TSPAN5: variants seen among roughly 807,000 people sequenced by gnomAD.
The protein encoded by TSPAN5 is tetraspanin 5.
TSPAN5 carries 10 observed loss-of-function variants against 37.1 expected under a neutral mutation model. The ratio of observed to expected loss-of-function variants is 0.27; its 90% confidence interval spans 0.17 to 0.46. The LOEUF is 0.46. Ranked by LOEUF, TSPAN5 falls within the 20% of genes least tolerant of loss-of-function variation. The pLI is 1.00. For synonymous variants in TSPAN5, 110 were observed against 118.9 expected, an observed-to-expected ratio of 0.93 and a Z score of 0.48; for missense variants, 195 against 326.6, an observed-to-expected ratio of 0.60 and a Z score of 3.11.
intron 1 of TSPAN5, among the ~76,000 whole-genome samples, chr4:98,558,764 T>C (rs1336324906): frequency 1.3e-5 from 2 of 152,180 alleles, no homozygotes; most frequent in Admixed American, 6.5e-5. Context: ...TGGAGTTGCT[T>C]GAAACCCATG....
At chr4:98,623,540 T>A (rs886668915) in intron 1 of TSPAN5, among the ~76,000 whole-genome samples, 6 of 152,348 alleles carry the variant, frequency 3.9e-5, no homozygotes, top group African/African-American at 1.4e-4. Context: ...TTCCAGAGAT[T>A]ATAAAACTCT....
chr4:98,511,022 C>T (rs894636474), intron 1 of TSPAN5, among the ~76,000 whole-genome samples: 7 of 152,264 alleles, frequency 4.6e-5, no homozygotes, highest in African/African-American at 1.2e-4. Context: ...CCATAAACCA[C>T]GAAACTGACC....
At chr4:98,490,390 C>T (rs1177355463) in intron 2 of TSPAN5, among the ~76,000 whole-genome samples, 1 of 152,166 alleles carries the variant, frequency 6.6e-6, no homozygotes, top group African/African-American at 2.4e-5. Context: ...TAAAAATTGG[C>T]TTCTCAGACA....
chr4:98,571,069 G>C (rs1043354690), intron 1 of TSPAN5, among the ~76,000 whole-genome samples: 4 of 152,062 alleles, frequency 2.6e-5, no homozygotes, highest in Non-Finnish European at 5.9e-5. Flanking sequence ...GAGGTCAATG[G>C]ACCACTTGTC....
At chr4:98,529,174 T>A (rs1413647161) in intron 1 of TSPAN5, among the ~76,000 whole-genome samples, 1 of 152,206 alleles carries the variant, frequency 6.6e-6, no homozygotes, top group African/African-American at 2.4e-5. Context: ...GGTCTGCCCT[T>A]ACATCCAAGC....
intron 1 of TSPAN5, among the ~76,000 whole-genome samples, chr4:98,635,649 G>C (rs1756840559): frequency 6.6e-6 from 1 of 152,008 alleles, no homozygotes; most frequent in South Asian, 2.1e-4. Context: ...GCTGAACGGG[G>C]GAAAAAAAGA....
chr4:98,582,489 T>C (rs1358056710), intron 1 of TSPAN5, among the ~76,000 whole-genome samples: 1 of 152,216 alleles, frequency 6.6e-6, no homozygotes, highest in African/African-American at 2.4e-5. Flanking sequence ...GCAAAGAGAT[T>C]TGCTTTCCGT....
chr4:98,631,893 T>C (rs1756757107), intron 1 of TSPAN5, among the ~76,000 whole-genome samples: 1 of 152,164 alleles, frequency 6.6e-6, no homozygotes, highest in Non-Finnish European at 1.5e-5. Flanking sequence ...GGCCACTTTT[T>C]AGTTTTTCAC....
At chr4:98,531,290 A>T (rs1346830592) in intron 1 of TSPAN5, among the ~76,000 whole-genome samples, 1 of 151,732 alleles carries the variant, frequency 6.6e-6, no homozygotes, top group Non-Finnish European at 1.5e-5. Context: ...TCCTTGTTCA[A>T]CTCCCACTTA....
At chr4:98,645,172 C>A (rs1757037330) in intron 1 of TSPAN5, among the ~76,000 whole-genome samples, 1 of 152,086 alleles carries the variant, frequency 6.6e-6, no homozygotes, top group Non-Finnish European at 1.5e-5. Context: ...CCATTTGATG[C>A]CAGAATGTCG....
At chr4:98,603,212 C>T (rs1755925475) in intron 1 of TSPAN5, among the ~76,000 whole-genome samples, 1 of 152,184 alleles carries the variant, frequency 6.6e-6, no homozygotes, top group Non-Finnish European at 1.5e-5. Flanking sequence ...CTACAGTAAG[C>T]TCTCTAATCA....
chr4:98,550,062 G>C (rs889085453), intron 1 of TSPAN5, among the ~76,000 whole-genome samples: 7 of 152,056 alleles, frequency 4.6e-5, no homozygotes, highest in African/African-American at 1.7e-4. Context: ...GTTAATTTTT[G>C]TATATGATAA....
chr4:98,487,664 T>TG (rs1474137190), intron 2 of TSPAN5, among the ~76,000 whole-genome samples: 2 of 152,190 alleles, frequency 1.3e-5, no homozygotes, highest in Non-Finnish European at 2.9e-5. Context: ...TGGTTTGCTC[T>TG]GGTGGCTGTT....
chr4:98,488,460 C>T (rs984603374), intron 2 of TSPAN5, among the ~76,000 whole-genome samples: 3 of 151,960 alleles, frequency 2.0e-5, no homozygotes, highest in African/African-American at 7.3e-5. Context: ...AAACTTAAAC[C>T]TAATTTTAAA....
At position 98,539,389 on chromosome 4, in the gene TSPAN5, A is replaced by T. The variant is rs117163070; in HGVS notation, c.82-31661T>A. ...AGAGGCAGCAGGTTCACCAAAACAC[A>T]AATGTCAGGACCAAGGCGCATCCAC... On this transcript the variant is annotated intron_variant, in intron 1 of 7. Coordinates refer to ENST00000305798, the MANE Select transcript of TSPAN5 (RefSeq NM_005723.4). Among the ~76,000 whole-genome samples, 59 of 152,292 alleles carry T rather than the reference A, an allele frequency of 3.9e-4. No individual in the cohort carries two copies. The East Asian group carries it at 0.01, about 26-fold the overall frequency.
chr4:98,479,661 G>C (rs1560505733), intron 4 of TSPAN5, among the ~76,000 whole-genome samples: 1 of 152,262 alleles, frequency 6.6e-6, no homozygotes, highest in East Asian at 1.9e-4. Flanking sequence ...TTAGGGTTAA[G>C]GCATACTCCC....
rs190237536 is a variant in TSPAN5, at chr4:98,551,540, G to A, written c.82-43812C>T. On this transcript the variant is annotated intron_variant, in intron 1 of 7. Transcript: ENST00000305798. ...GGAGTCTTGCTCTGTCACCCAGGCTGGAGTGCAGTGGCGCGATCTTGGCTC... is the reference window on the plus strand; with the variant it reads ...GGAGTCTTGCTCTGTCACCCAGGCTAGAGTGCAGTGGCGCGATCTTGGCTC... 3.9e-3 allele frequency among the ~76,000 whole-genome samples: 570 copies of A among 146,326 alleles called. 4 individuals are homozygous for A. The highest frequency in any genetic ancestry group is 0.014 in the Middle Eastern group (4 of 288).
chr4:98,552,071 G>A (rs1355807250), intron 1 of TSPAN5, among the ~76,000 whole-genome samples: 2 of 151,918 alleles, frequency 1.3e-5, no homozygotes, highest in Non-Finnish European at 2.9e-5. Context: ...ATTTCTGATT[G>A]TGTTTATTTT....
At chr4:98,627,064 G>T (rs1756622519) in intron 1 of TSPAN5, among the ~76,000 whole-genome samples, 1 of 152,042 alleles carries the variant, frequency 6.6e-6, no homozygotes, top group South Asian at 2.1e-4. Flanking sequence ...TGGGGTAGGG[G>T]GCAGAGCGCC....
Sources: allele counts gnomAD v4.1 joint callset (sites outside exome capture counted in the v4.1 genomes callset), GRCh38; gene constraint gnomAD v4.1.1; transcripts MANE v1.5; gene names NCBI Gene and HGNC (gene_info 2026-07-23, HGNC 2026-07-21).